PRDM5: variants seen among roughly 807,000 people sequenced by gnomAD.
PRDM5 encodes the protein PR domain zinc finger protein 5.
PRDM5 carries 56 observed loss-of-function variants against 81.2 expected under a neutral mutation model. The ratio of observed to expected loss-of-function variants is 0.69; its 90% CI spans 0.56 to 0.86. PRDM5 has a LOEUF of 0.86. Among genes scored for constraint, PRDM5 ranks in the 40% least tolerant of loss-of-function variants. PRDM5 has a pLI of 0.00. For missense variants in PRDM5, 697 were observed against 770.1 expected, an observed-to-expected ratio of 0.91 and a Z score of 1.12; for synonymous variants, 267 against 256.4, an observed-to-expected ratio of 1.04 and a Z score of -0.39.
intron 14 of PRDM5, among the ~76,000 whole-genome samples, chr4:120,739,260 C>T (rs1578536055): frequency 6.6e-6 from 1 of 152,118 alleles, no homozygotes; most frequent in Non-Finnish European, 1.5e-5. Flanking sequence ...GTCATTGTGC[C>T]CAGCTTAGAT....
At chr4:120,753,601 T>C (rs759259365) in intron 14 of PRDM5, among the ~76,000 whole-genome samples, 10 of 152,112 alleles carry the variant, frequency 6.6e-5, no homozygotes, top group Non-Finnish European at 1.3e-4. Context: ...TTATTATGTG[T>C]TTTCTCTAAA....
chr4:120,792,381 A>G (rs138061731), intron 10 of PRDM5, among the ~76,000 whole-genome samples: 1,988 of 152,314 alleles, frequency 0.013, 32 homozygotes, highest in Middle Eastern at 0.061. Flanking sequence ...ACTGACTACC[A>G]GACATGCATG....
chr4:120,799,472 C>T (rs1292743584), intron 9 of PRDM5, among the ~76,000 whole-genome samples, 189 bp downstream of exon 9: 1 of 152,092 alleles, frequency 6.6e-6, no homozygotes, highest in African/African-American at 2.4e-5. Context: ...TTACTCTAAG[C>T]ACCTTTGCTC....
chr4:120,750,720 G>GCA (rs1275631225), intron 14 of PRDM5, among the ~76,000 whole-genome samples: 1 of 128,390 alleles, frequency 7.8e-6, no homozygotes, highest in African/African-American at 2.7e-5. Context: ...ACACACACAC[G>GCA]CGCACACAAA....
At chr4:120,792,263 G>A (rs1750684558) in intron 10 of PRDM5, among the ~76,000 whole-genome samples, 1 of 152,134 alleles carries the variant, frequency 6.6e-6, no homozygotes, top group African/African-American at 2.4e-5. Flanking sequence ...CAAATAATGA[G>A]TACAGTTTTT....
At chr4:120,828,893 T>C (rs1299052539) in intron 3 of PRDM5, among the ~76,000 whole-genome samples, 3 of 152,078 alleles carry the variant, frequency 2.0e-5, no homozygotes, top group Non-Finnish European at 2.9e-5. Context: ...GGAAGCCTCT[T>C]ATCATCAGTA....
intron 2 of PRDM5, among the ~76,000 whole-genome samples, chr4:120,876,145 C>T (rs1762311231): frequency 6.6e-6 from 1 of 152,162 alleles, no homozygotes; most frequent in Non-Finnish European, 1.5e-5. Flanking sequence ...AAAACACTCA[C>T]ACCTCAAATA....
chr4:120,875,794 G>C (rs1293215573), intron 2 of PRDM5, among the ~76,000 whole-genome samples: 3 of 152,120 alleles, frequency 2.0e-5, no homozygotes, highest in African/African-American at 4.8e-5. Context: ...ATAAGAAATT[G>C]CTTCCAAAAA....
intron 10 of PRDM5, among the ~76,000 whole-genome samples, chr4:120,790,253 C>T (rs1018512130): frequency 2.0e-5 from 3 of 152,114 alleles, no homozygotes; most frequent in Non-Finnish European, 4.4e-5. Context: ...TAACTTAGAG[C>T]GTGCTGAACA....
intron 3 of PRDM5, among the ~76,000 whole-genome samples, chr4:120,833,394 T>C (rs115698343): frequency 1.3e-5 from 2 of 152,284 alleles, no homozygotes; most frequent in Non-Finnish European, 2.9e-5. Context: ...TGTGTTCATG[T>C]AACCCTTATT....
chr4:120,749,404 C>T (rs538698078), intron 14 of PRDM5, among the ~76,000 whole-genome samples: 195 of 152,172 alleles, frequency 1.3e-3, no homozygotes, highest in African/African-American at 4.2e-3. Flanking sequence ...CATCAGGGTT[C>T]GTAAGAAAGA....
At chr4:120,779,434 C>G (rs890234151) in intron 12 of PRDM5, among the ~76,000 whole-genome samples, 3 of 151,806 alleles carry the variant, frequency 2.0e-5, no homozygotes, top group Non-Finnish European at 4.4e-5. Context: ...TATTGAAAGT[C>G]AACAAAAAAT....
chr4:120,844,218 G>A (rs1561465084), intron 3 of PRDM5, among the ~76,000 whole-genome samples: 1 of 152,012 alleles, frequency 6.6e-6, no homozygotes, highest in Admixed American at 6.6e-5. Context: ...ATATACAGAC[G>A]ATATTATAAA....
chr4:120,909,991 T>C (rs1766312420), intron 1 of PRDM5, among the ~76,000 whole-genome samples: 1 of 152,022 alleles, frequency 6.6e-6, no homozygotes. Context: ...GGAATATCCT[T>C]CAAAGAAAAG....
intron 2 of PRDM5, among the ~76,000 whole-genome samples, chr4:120,897,784 T>A (rs535115987): frequency 1.3e-5 from 2 of 152,350 alleles, no homozygotes; most frequent in East Asian, 3.9e-4. Flanking sequence ...AATGTATAAA[T>A]TTGCCATTTA....
intron 10 of PRDM5, among the ~76,000 whole-genome samples, chr4:120,797,649 T>C (rs1234920781): frequency 2.6e-5 from 4 of 152,092 alleles, no homozygotes; most frequent in African/African-American, 9.7e-5. Flanking sequence ...GCAAAGAGAA[T>C]GAAAAAACCA....
intron 3 of PRDM5, among the ~76,000 whole-genome samples, chr4:120,846,388 A>G (rs1278931951): frequency 6.6e-6 from 1 of 152,144 alleles, no homozygotes; most frequent in Non-Finnish European, 1.5e-5. Context: ...AGCAACCACC[A>G]CCCTGATCAA....
At chr4:120,823,976 C>T (rs141120653) in intron 3 of PRDM5, among the ~76,000 whole-genome samples, 1,553 of 152,302 alleles carry the variant, frequency 0.01, 10 homozygotes, top group Non-Finnish European at 0.016. Flanking sequence ...CTGGCACCCT[C>T]CTTATCCCCT....
intron 8 of PRDM5, among the ~76,000 whole-genome samples, chr4:120,800,064 A>C (rs1751916700): frequency 6.6e-6 from 1 of 152,228 alleles, no homozygotes; most frequent in Non-Finnish European, 1.5e-5. Context: ...GTTATGCACA[A>C]ATTTAGACTT....
Sources: gnomAD v4.1 joint callset for allele counts (sites outside exome capture counted in the v4.1 genomes callset) on GRCh38, gnomAD v4.1.1 for gene constraint, MANE v1.5 for transcripts, NCBI Gene and HGNC (gene_info 2026-07-23, HGNC 2026-07-21) for gene names.